Variants in SYT1 observed in about 807,000 individuals in gnomAD.
SYT1 encodes synaptotagmin 1.
Under a neutral mutation model 44.8 loss-of-function variants are expected in SYT1, and 8 were observed. The ratio of observed to expected loss-of-function variants is 0.18; its 90% CI spans 0.10 to 0.32. The LOEUF (loss-of-function observed/expected upper bound fraction) is 0.32. Among genes scored for constraint, SYT1 ranks in the 10% least tolerant of loss-of-function variants. The pLI is 1.00. For missense variants in SYT1, 286 were observed against 509.3 expected (o/e 0.56, Z 4.22); for synonymous variants, 154 against 188.8 (o/e 0.82, Z 1.51).
intron 3 of SYT1, among the ~76,000 whole-genome samples, chr12:79,182,115 ACT>A (rs1343794030): frequency 6.6e-6 from 1 of 152,080 alleles, no homozygotes; most frequent in Non-Finnish European, 1.5e-5. Context: ...AAAATTGTGC[ACT>A]GTTTTAAAAT....
chr12:78,980,502 T>C (rs550027211), intron 2 of SYT1, among the ~76,000 whole-genome samples: 1 of 152,248 alleles, frequency 6.6e-6, no homozygotes, highest in South Asian at 2.1e-4. Context: ...TTTCAGCTAG[T>C]TTTGAAGATT....
intron 9 of SYT1, among the ~76,000 whole-genome samples, chr12:79,379,607 C>T (rs909909843): frequency 2.0e-5 from 3 of 152,146 alleles, no homozygotes; most frequent in Non-Finnish European, 4.4e-5. Flanking sequence ...TAGCAAACTC[C>T]TGAAAGCTTT....
At chr12:79,345,402 T>C (rs1882564181) in intron 8 of SYT1, among the ~76,000 whole-genome samples, 1 of 152,216 alleles carries the variant, frequency 6.6e-6, no homozygotes, top group African/African-American at 2.4e-5. Flanking sequence ...ATGCATTATA[T>C]TTTTACTCAT....
intron 3 of SYT1, among the ~76,000 whole-genome samples, chr12:79,063,677 A>G (rs1875551242): frequency 6.6e-6 from 1 of 152,190 alleles, no homozygotes. Context: ...ATGGCATCAA[A>G]TTCTCTGAAA....
chr12:78,996,693 C>T (rs1555187697), intron 2 of SYT1, among the ~76,000 whole-genome samples: 6 of 152,120 alleles, frequency 3.9e-5, no homozygotes, highest in Non-Finnish European at 8.8e-5. Context: ...GAGTTCCATG[C>T]CACACCCTAC....
intron 3 of SYT1, among the ~76,000 whole-genome samples, chr12:79,062,155 T>C (rs1302072827): frequency 6.6e-6 from 1 of 152,098 alleles, no homozygotes; most frequent in African/African-American, 2.4e-5. Context: ...TTTTCTGACC[T>C]GTTGGGTGAG....
At chr12:79,114,633 C>T (rs911362383) in intron 3 of SYT1, among the ~76,000 whole-genome samples, 9 of 152,144 alleles carry the variant, frequency 5.9e-5, no homozygotes, top group African/African-American at 1.7e-4. Flanking sequence ...ATCATATCTT[C>T]AGGCCAGAGC....
intron 3 of SYT1, among the ~76,000 whole-genome samples, chr12:79,095,662 A>G (rs1166476531): frequency 6.6e-6 from 1 of 151,886 alleles, no homozygotes; most frequent in Admixed American, 6.6e-5. Flanking sequence ...ATCTGGGAAT[A>G]CTGACCTTGG....
intron 3 of SYT1, among the ~76,000 whole-genome samples, chr12:79,104,305 C>A (rs548641613): frequency 1.3e-5 from 2 of 151,836 alleles, no homozygotes; most frequent in Non-Finnish European, 2.9e-5. Flanking sequence ...GCTTACAAAA[C>A]TGAATAAAAG....
intron 4 of SYT1, among the ~76,000 whole-genome samples, chr12:79,277,754 ACCT>A (rs1239160897): frequency 1.3e-5 from 2 of 152,050 alleles, no homozygotes; most frequent in African/African-American, 2.4e-5. Flanking sequence ...CCAAATATCT[ACCT>A]CCTTCAAGAG....
intron 4 of SYT1, among the ~76,000 whole-genome samples, chr12:79,233,013 A>G (rs1256123628): frequency 6.6e-6 from 1 of 151,172 alleles, no homozygotes; most frequent in Non-Finnish European, 1.5e-5. Context: ...CCTTTCCTCG[A>G]CCTTTCTTTA....
chr12:79,260,148 G>C (rs1219480848), intron 4 of SYT1, among the ~76,000 whole-genome samples: 3 of 152,180 alleles, frequency 2.0e-5, no homozygotes, highest in African/African-American at 4.8e-5. Flanking sequence ...AGAGCAAAAG[G>C]CTGTTTCATT....
intron 3 of SYT1, among the ~76,000 whole-genome samples, chr12:79,084,727 A>G (rs948289499): frequency 6.6e-6 from 1 of 152,182 alleles, no homozygotes; most frequent in Admixed American, 6.5e-5. Flanking sequence ...TCAATTATAT[A>G]CTACAAGTAA....
At chr12:78,903,111 T>C (rs1247516468) in intron 1 of SYT1, among the ~76,000 whole-genome samples, 2 of 152,044 alleles carry the variant, frequency 1.3e-5, no homozygotes, top group East Asian at 1.9e-4. Flanking sequence ...GTGAAAGTAG[T>C]ATGGCAGTTC....
At chr12:79,340,359 G>A (rs938105606) in intron 8 of SYT1, among the ~76,000 whole-genome samples, 43 of 152,208 alleles carry the variant, frequency 2.8e-4, no homozygotes, top group African/African-American at 9.4e-4. Context: ...GCAGTGGTTT[G>A]TAGTTCTCCT....
At chr12:79,060,222 G>A (rs571080708) in intron 3 of SYT1, among the ~76,000 whole-genome samples, 2 of 151,986 alleles carry the variant, frequency 1.3e-5, no homozygotes, top group Non-Finnish European at 2.9e-5. Context: ...TTTCAGAAAA[G>A]TTATCCACGT....
chr12:79,061,209 T>C (rs1289596359), intron 3 of SYT1, among the ~76,000 whole-genome samples: 4 of 152,086 alleles, frequency 2.6e-5, no homozygotes, highest in African/African-American at 7.2e-5. Context: ...GAACCTTAAG[T>C]CAATAAGAAG....
intron 4 of SYT1, among the ~76,000 whole-genome samples, chr12:79,226,809 T>C (rs1403365617): frequency 6.6e-6 from 1 of 152,174 alleles, no homozygotes; most frequent in Admixed American, 6.5e-5. Flanking sequence ...CGTCATAATT[T>C]TTCCTGCCTA....
intron 2 of SYT1, among the ~76,000 whole-genome samples, chr12:78,997,354 AG>A (rs1252191406): frequency 6.6e-6 from 1 of 152,220 alleles, no homozygotes; most frequent in Non-Finnish European, 1.5e-5. Context: ...AAATAAAGAA[AG>A]GTCACCAAAA....
Sources: allele counts gnomAD v4.1 joint callset (sites outside exome capture counted in the v4.1 genomes callset), GRCh38; gene constraint gnomAD v4.1.1; transcripts MANE v1.5; gene names NCBI Gene and HGNC (gene_info 2026-07-23, HGNC 2026-07-21).